The following SCNN1D variants were observed in gnomAD, a reference collection of about 807,000 sequenced individuals.
SCNN1D encodes epithelial sodium channel subunit delta.
Under a neutral mutation model 87.8 loss-of-function variants are expected in SCNN1D, and 104 were observed. The observed-to-expected ratio is 1.18, with a 90% CI of 1.01 to 1.39. The LOEUF is 1.39. SCNN1D is among the 40% of genes most tolerant of loss of function. SCNN1D has a pLI of 0.00. For missense variants in SCNN1D, 1,324 were observed against 1,093.9 expected, an observed-to-expected ratio of 1.21 and a Z score of -2.97; for synonymous variants, 628 against 481.2, an observed-to-expected ratio of 1.31 and a Z score of -3.99.
chr1:1,284,792 C>T (rs976929597), intron 5 of SCNN1D, among the ~76,000 whole-genome samples: 3 of 152,092 alleles, frequency 2.0e-5, no homozygotes, highest in Non-Finnish European at 2.9e-5. Context: ...CCAGTGTAGT[C>T]CTGTCTCACA....
chr1:1,290,382 G>A lies in SCNN1D; in HGVS notation c.1774G>A (p.Ala592Thr). ...AEYCSSARHP[A>T]WGHCFYRLYQ... The stretch of plus-strand genomic sequence containing the variant: ...GTACTGCAGCTCTGCCCGGCACCCT[G>A]CCTGGGGTGAGTCCTGCTCGCTGCC... Residue 592 changes from alanine (A) to threonine (T), a missense_variant, in exon 13 of 18, where the codon GCC (alanine) becomes ACC (threonine). By Grantham distance (58) the Ala-to-Thr change is moderately conservative. Transcript: ENST00000379116. 1 of 1,603,396 alleles carries A rather than the reference G, an allele frequency of 6.2e-7. No homozygotes were observed. Among genetic ancestry groups the A allele is most frequent in the Non-Finnish European group, 8.5e-7 (1 of 1,173,962 alleles).
At chr1:1,282,383 G>T in intron 4 of SCNN1D, 68 bp downstream of exon 4, 1 of 1,524,286 alleles carries the variant, frequency 6.6e-7, no homozygotes, top group Admixed American at 2.0e-5. Context: ...GGCTCCCCCA[G>T]CCAAGCCCAG....
rs888035807 is a variant in SCNN1D, at chr1:1,290,508, G to A, written c.1812G>A (p.Leu604=). Residue 604 remains leucine (L), a synonymous_variant, in exon 14 of 18, where the codon CTG becomes CTA. Transcript: ENST00000379116. ...GCTTCTACCGCCTCTACCAGGACCT[G>A]GAGACCCACCGGCTCCCCTGTACCT... is the stretch of plus-strand genomic sequence containing the variant. The part of the protein sequence containing the change: ...GHCFYRLYQD[L]ETHRLPCTSR... The A allele has an allele frequency of 1.2e-6, 2 of 1,612,556 alleles. No homozygotes were observed. The highest frequency in any genetic ancestry group is 2.7e-5 in the African/African-American group (2 of 74,926).
chr1:1,286,841 G>C lies in SCNN1D; in HGVS notation c.985G>C (p.Val329Leu). The C allele has an allele frequency of 6.2e-7, 1 of 1,612,698 alleles. No homozygotes were observed. The highest frequency in any genetic ancestry group is 8.5e-7 in the Non-Finnish European group (1 of 1,179,932). Residue 329 changes from valine to leucine, a missense_variant, in exon 8 of 18, where the codon GTC becomes CTC. Transcript: ENST00000379116. ...ARENIDSLYN[V>L]NLSKGRAALS... ...GGAGAACATTGACTCCCTGTACAACGTCAACCTCAGCAAAGGCAGAGCCGC... is the reference window on the plus strand; with the variant it reads ...GGAGAACATTGACTCCCTGTACAACCTCAACCTCAGCAAAGGCAGAGCCGC...
chr1:1,285,982 C>A lies in SCNN1D; in HGVS notation c.615C>A (p.Pro205=). 6.4e-7 allele frequency: 1 copy of A among 1,558,860 alleles called. No homozygotes were observed. The highest frequency in any genetic ancestry group is 8.7e-7 in the Non-Finnish European group (1 of 1,150,756). Residue 205 remains proline, a synonymous_variant, in exon 7 of 18, where the codon CCC becomes CCA. Coordinates refer to ENST00000379116, the MANE Select transcript of SCNN1D (RefSeq NM_001130413.4). ...PGPPSAPPPP[P]KEGHQEGLVE... ...CACCATCAGCACCACCACCACCACC[C>A]AAGGAGGGGCACCAGGAGGGGCTGG...
In SCNN1D at chr1:1,285,980, C is replaced by G. The variant is rs1460625029; in HGVS notation, c.613C>G (p.Pro205Ala). 6.4e-7 allele frequency: 1 copy of G among 1,559,472 alleles called. No homozygotes were observed. Among genetic ancestry groups the G allele is most frequent in the Non-Finnish European group, 8.7e-7 (1 of 1,151,152 alleles). ...PGPPSAPPPP[P>A]KEGHQEGLVE... ...GCCACCATCAGCACCACCACCACCA[C>G]CCAAGGAGGGGCACCAGGAGGGGCT... is the stretch of plus-strand genomic sequence containing the variant. The change falls in exon 7 of 18, where the codon CCC becomes GCC. Residue 205 changes from proline to alanine, a missense_variant. Physicochemically the swap from Pro to Ala is conservative, Grantham distance 27. Coordinates refer to ENST00000379116, the MANE Select transcript of SCNN1D (RefSeq NM_001130413.4).
chr1:1,291,552 G>C lies in SCNN1D; in HGVS notation c.2351G>C (p.Gly784Ala), dbSNP rs1052638620. Residue 784 changes from glycine to alanine, a missense_variant, in exon 18 of 18, where the codon GGA (glycine) becomes GCA (alanine). Transcript: ENST00000379116. ...GTGATGCTTCCAGGGGTTCTGGCGGGAGTCTCAGCCGAAGAGAGCTGGGCT... is the reference window on the plus strand; with the variant it reads ...GTGATGCTTCCAGGGGTTCTGGCGGCAGTCTCAGCCGAAGAGAGCTGGGCT... ...PRVMLPGVLA[G>A]VSAEESWAGP... The C allele has an allele frequency of 5.7e-6, 9 of 1,592,762 alleles. No homozygotes were observed. In the African/African-American group the frequency reaches 1.2e-4, roughly 21 times the overall value.
In SCNN1D at chr1:1,287,124, G is replaced by A. The variant is rs376559305; in HGVS notation, c.1135G>A (p.Gly379Ser). The A allele has an allele frequency of 1.6e-5, 25 of 1,597,304 alleles. No homozygotes were observed. Among genetic ancestry groups the A allele is most frequent in the African/African-American group, 2.7e-5 (2 of 74,696 alleles). The change falls in exon 9 of 18, where the codon GGC becomes AGC. Residue 379 changes from glycine (G) to serine (S), a missense_variant. Physicochemically the swap from Gly to Ser is moderately conservative, Grantham distance 56. Transcript: ENST00000379116. ...CCTCTCCCAGTGCAACAGCACGGGC[G>A]GCGACTGCTTTTACCGAGGCTACAC... Reference protein sequence around the residue: ...VGFRLCNSTGGDCFYRGYTSG... With the variant: ...VGFRLCNSTGSDCFYRGYTSG...
Position 1,280,472 on chromosome 1 carries a change from A to T in SCNN1D, c.-190A>T, listed in dbSNP as rs931569800. On this transcript the variant is annotated 5_prime_UTR_variant, in exon 1 of 18. Coordinates refer to ENST00000379116, the MANE Select transcript of SCNN1D (RefSeq NM_001130413.4). ...GCGAGACTCCATCTCAATAAATAAA[A>T]AAAAAAAAGAGTTGTTATCAGTAGA... 1.1e-4 allele frequency: 55 copies of T among 486,866 alleles called. No individual in the cohort carries two copies. Among genetic ancestry groups the T allele is most frequent in the African/African-American group, 3.3e-4 (17 of 50,812 alleles). 30.2% of individuals were successfully genotyped at this position (486,866 alleles called of 1,614,324 possible).
chr1:1,283,537 A>G, intron 4 of SCNN1D, among the ~76,000 whole-genome samples: 1 of 152,114 alleles, frequency 6.6e-6, no homozygotes, highest in Non-Finnish European at 1.5e-5. Flanking sequence ...CATCTCTACT[A>G]AAAATACAAA....
rs780136318 is a variant in SCNN1D, at chr1:1,290,342, G to T, written c.1734G>T (p.Leu578=). The change falls in exon 13 of 18, where the codon CTG becomes CTT. Residue 578 remains leucine (L), a synonymous_variant. Coordinates refer to ENST00000379116, the MANE Select transcript of SCNN1D (RefSeq NM_001130413.4). ...CCTGTGGCTACTACCTCCACCCTCT[G>T]CCGGCGGGGGCTGAGTACTGCAGCT... ...TCSCGYYLHP[L]PAGAEYCSSA... is the part of the protein sequence containing the mutation. 9.4e-6 allele frequency: 15 copies of T among 1,595,732 alleles called. No homozygotes were observed. The highest frequency in any genetic ancestry group is 1.3e-5 in the Non-Finnish European group (15 of 1,169,314).
chr1:1,290,715 G>A (rs1208140563), intron 15 of SCNN1D, 21 bp downstream of exon 15: 2 of 1,612,340 alleles, frequency 1.2e-6, no homozygotes, highest in East Asian at 2.2e-5. Context: ...AAAGTGGTGG[G>A]GTGGGGGTGT....
chr1:1,282,855 C>G (rs1300174478), intron 4 of SCNN1D, among the ~76,000 whole-genome samples: 2 of 151,898 alleles, frequency 1.3e-5, no homozygotes, highest in African/African-American at 4.8e-5. Context: ...TGGGTTCACA[C>G]CATTCTCCTG....
chr1:1,287,735 G>A lies in SCNN1D; in HGVS notation c.1462G>A (p.Gly488Ser), dbSNP rs545525762. 9.3e-5 allele frequency: 149 copies of A among 1,608,390 alleles called. 1 individual carries two copies. In the South Asian group the frequency reaches 1.1e-3, roughly 12 times the overall value. ...PHLPLLSTLA[G>S]IRVMVHGRNH... ...CCTCCCTCTGCTGTCCACGCTGGCCGGCATCAGGGTCATGGTTCACGGCCG... is the reference window on the plus strand; with the variant it reads ...CCTCCCTCTGCTGTCCACGCTGGCCAGCATCAGGGTCATGGTTCACGGCCG... Residue 488 changes from glycine (G) to serine (S), a missense_variant, in exon 11 of 18, where the codon GGC becomes AGC. By Grantham distance (56) the Gly-to-Ser change is moderately conservative (BLOSUM62 0). Transcript: ENST00000379116.
At chr1:1,288,283 C>CCCCCGTG (rs1640667263) in intron 12 of SCNN1D, among the ~76,000 whole-genome samples, 4 of 98,466 alleles carry the variant, frequency 4.1e-5, no homozygotes, top group Admixed American at 9.7e-5. Flanking sequence ...TCCCCCGAGT[C>CCCCCGTG]TCTGCTCCGT....
rs558558284 is a variant in SCNN1D, at chr1:1,285,813, G to C, written c.559-113G>C. 1.4e-5 allele frequency: 18 copies of C among 1,248,208 alleles called. No homozygotes were observed. In the East Asian group the frequency reaches 3.8e-4, roughly 26 times the overall value. The allele number at this position is 1,248,208 out of a possible 1,614,324, so 77.3% of individuals were successfully genotyped here. A position where few individuals can be genotyped will look rare whatever the true frequency, so the allele number is the denominator to read the frequency against. ...AGAGCACCCTGGGAGGGGCTTGTCC[G>C]AGCGACCGAGCAGGTAGGGCGGGGC... On this transcript the variant is annotated intron_variant, in intron 6 of 17. Coordinates refer to ENST00000379116, the MANE Select transcript of SCNN1D (RefSeq NM_001130413.4).
chr1:1,286,219 T>C lies in SCNN1D; in HGVS notation c.852T>C (p.Ser284=). 1 of 1,599,086 alleles carries C rather than the reference T, an allele frequency of 6.3e-7. No homozygotes were observed. Among genetic ancestry groups the C allele is most frequent in the East Asian group, 2.2e-5 (1 of 44,592 alleles). ...ACCGCCCGGTCCTCATGGCCGTCTC[T>C]GTGCACTCGGAGCGCAAGCTGCTCC... ...HWHRPVLMAV[S]VHSERKLLPL... The change falls in exon 7 of 18, where the codon TCT becomes TCC. Residue 284 remains serine (S), a synonymous_variant. Transcript: ENST00000379116.
Position 1,284,034 on chromosome 1 carries a change from C to T in SCNN1D, c.408C>T (p.Ser136=). The change falls in exon 5 of 18, where the codon AGC becomes AGT. Residue 136 remains serine, a synonymous_variant. Transcript: ENST00000379116. ...GCCAGCTGCCCCCGCAATGGCTGAG[C>T]ACCGAAGCATGGACGGGAGAATGGA... ...QSCQLPPQWL[S]TEAWTGEWKQ... 1 of 1,406,198 alleles carries T rather than the reference C, an allele frequency of 7.1e-7. No homozygotes were observed. The highest frequency in any genetic ancestry group is 3.4e-5 in the Admixed American group (1 of 29,328). The allele number at this position is 1,406,198 out of a possible 1,614,324, so 87.1% of individuals were successfully genotyped here.
At position 1,291,883 on chromosome 1, in the gene SCNN1D, G is replaced by A. The variant is rs953757190; in HGVS notation, c.*273G>A. ...ACACGCGGTGATGTACCCATGCTCCGTGTGTCTGTGTCTGCATGTCCACAC... is the reference window on the plus strand; with the variant it reads ...ACACGCGGTGATGTACCCATGCTCCATGTGTCTGTGTCTGCATGTCCACAC... On this transcript the variant is annotated 3_prime_UTR_variant, in exon 18 of 18. Coordinates refer to ENST00000379116, the MANE Select transcript of SCNN1D (RefSeq NM_001130413.4). The A allele has an allele frequency of 5.2e-5, 19 of 364,046 alleles. No homozygotes were observed. The highest frequency in any genetic ancestry group is 4.6e-4 in the Middle Eastern group (1 of 2,196). The allele number at this position is 364,046 out of a possible 1,614,324, so 22.6% of individuals were successfully genotyped here. A position where few individuals can be genotyped will look rare whatever the true frequency, so the allele number is the denominator to read the frequency against.
Sources: allele counts gnomAD v4.1 joint callset (sites outside exome capture counted in the v4.1 genomes callset), GRCh38; gene constraint gnomAD v4.1.1; transcripts MANE v1.5; gene names NCBI Gene and HGNC (gene_info 2026-07-23, HGNC 2026-07-21).